Variants in ADK observed in about 807,000 individuals in gnomAD.
The protein encoded by ADK is N6,N6-dimethyladenosine kinase.
In ADK, 24 loss-of-function variants were observed where a neutral mutation model predicts 44.7. The observed-to-expected ratio is 0.54, with a 90% CI of 0.39 to 0.76. ADK has a LOEUF of 0.76. ADK is among the 30% of genes least tolerant of loss of function. ADK has a pLI of 0.00. For missense variants in ADK, 321 were observed against 425.1 expected (o/e 0.76, Z 2.15); for synonymous variants, 128 against 142.6 (o/e 0.90, Z 0.73).
intron 3 of ADK, among the ~76,000 whole-genome samples, chr10:74,250,830 G>A (rs1264219216): frequency 1.3e-5 from 2 of 152,140 alleles, no homozygotes; most frequent in African/African-American, 4.8e-5. Context: ...ACCCATGCTG[G>A]AGTGCAGTGA....
intron 3 of ADK, among the ~76,000 whole-genome samples, chr10:74,247,223 A>AT (rs1564616102): frequency 3.8e-5 from 3 of 78,250 alleles, no homozygotes; most frequent in Admixed American, 2.9e-4. Context: ...TTTTTTTTTA[A>AT]GTTTTTTTTT....
intron 5 of ADK, 69 bp from the exon 6 acceptor site, chr10:74,398,402 G>A: frequency 1.0e-6 from 1 of 989,594 alleles, no homozygotes; most frequent in Non-Finnish European, 1.5e-6. Context: ...AAAAATATTG[G>A]TAATTATCTA....
chr10:74,212,857 G>C (rs1843870228), intron 2 of ADK, among the ~76,000 whole-genome samples: 1 of 149,986 alleles, frequency 6.7e-6, no homozygotes, highest in Admixed American at 6.7e-5. Flanking sequence ...TACTTTTCGT[G>C]TTATCAAGGT....
intron 7 of ADK, among the ~76,000 whole-genome samples, chr10:74,548,462 T>G (rs2133766502): frequency 6.6e-6 from 1 of 152,306 alleles, no homozygotes; most frequent in Admixed American, 6.5e-5. Flanking sequence ...GATGCCCATT[T>G]AAATTTGAAT....
intron 2 of ADK, among the ~76,000 whole-genome samples, chr10:74,209,235 A>G (rs529403290): frequency 7.2e-5 from 11 of 152,260 alleles, no homozygotes; most frequent in Middle Eastern, 3.4e-3. Flanking sequence ...CTGCCTTTAC[A>G]TTCCTTCTGT....
chr10:74,536,891 T>G (rs1156832465), intron 7 of ADK, among the ~76,000 whole-genome samples: 1 of 152,238 alleles, frequency 6.6e-6, no homozygotes, highest in African/African-American at 2.4e-5. Context: ...GTTTTTTGCT[T>G]CATTTTGTTG....
chr10:74,628,319 C>T (rs551736424), intron 9 of ADK, among the ~76,000 whole-genome samples: 4 of 152,002 alleles, frequency 2.6e-5, no homozygotes, highest in African/African-American at 4.8e-5. Flanking sequence ...ATGCCAGTCA[C>T]GATTCTTGGA....
intron 1 of ADK, among the ~76,000 whole-genome samples, chr10:74,160,947 C>A (rs187818605): frequency 6.6e-6 from 1 of 152,018 alleles, no homozygotes; most frequent in South Asian, 2.1e-4. Context: ...CCAAAAAACC[C>A]GACAACCTCA....
intron 6 of ADK, among the ~76,000 whole-genome samples, chr10:74,451,366 T>A (rs571679843): frequency 1.3e-5 from 2 of 152,206 alleles, no homozygotes; most frequent in East Asian, 3.9e-4. Flanking sequence ...GTGTATTTAC[T>A]TTTCCACTTT....
intron 3 of ADK, among the ~76,000 whole-genome samples, chr10:74,253,974 C>A (rs1165669563): frequency 1.3e-5 from 2 of 151,946 alleles, no homozygotes; most frequent in Non-Finnish European, 2.9e-5. Context: ...ACCATGTTGG[C>A]CGGGCTGGTC....
At chr10:74,214,293 C>CT (rs1354808897) in intron 2 of ADK, among the ~76,000 whole-genome samples, 3 of 151,854 alleles carry the variant, frequency 2.0e-5, no homozygotes, top group Admixed American at 6.6e-5. Context: ...TTTTAATCAA[C>CT]TTTTTTTTAA....
chr10:74,653,886 T>A (rs1223864303), intron 9 of ADK, among the ~76,000 whole-genome samples: 1 of 152,218 alleles, frequency 6.6e-6, no homozygotes, highest in Admixed American at 6.5e-5. Context: ...TATTGTACAG[T>A]ATGCACTGTT....
intron 9 of ADK, among the ~76,000 whole-genome samples, chr10:74,665,422 G>A (rs1213052735): frequency 6.6e-6 from 1 of 152,030 alleles, no homozygotes; most frequent in Non-Finnish European, 1.5e-5. Context: ...AGTGGCAGGG[G>A]TAGTGACTGA....
At chr10:74,479,030 A>G (rs142323576) in intron 6 of ADK, among the ~76,000 whole-genome samples, 1,765 of 151,970 alleles carry the variant, frequency 0.012, 46 homozygotes, top group African/African-American at 0.038. Context: ...ACAGGGTCTT[A>G]CTCTGTCTCC....
At chr10:74,242,847 G>A (rs1168743264) in intron 3 of ADK, among the ~76,000 whole-genome samples, 1 of 152,120 alleles carries the variant, frequency 6.6e-6, no homozygotes, top group Non-Finnish European at 1.5e-5. Flanking sequence ...CTTGACTTCG[G>A]GGAAGAGACT....
At chr10:74,186,698 C>G (rs950041352) in intron 1 of ADK, among the ~76,000 whole-genome samples, 18 of 152,202 alleles carry the variant, frequency 1.2e-4, no homozygotes, top group Non-Finnish European at 2.4e-4. Flanking sequence ...TGTTCTAGAA[C>G]TTCACATAAA....
chr10:74,546,456 C>A lies in ADK; in HGVS notation c.726+21030C>A, dbSNP rs1849821377. On this transcript the variant is annotated intron_variant, in intron 7 of 10. Transcript: ENST00000539909. ...TTAACTCAGCTTCACATTTTCATTTCTTTTTATTTTATTTTAAACAATGAG... is the reference window on the plus strand; with the variant it reads ...TTAACTCAGCTTCACATTTTCATTTATTTTTATTTTATTTTAAACAATGAG... 2.0e-5 allele frequency among the ~76,000 whole-genome samples: 3 copies of A among 152,050 alleles called. No individual in the cohort carries two copies. The South Asian group carries it at 6.2e-4, about 32-fold the overall frequency.
chr10:74,204,485 G>A (rs1843517033), intron 2 of ADK, among the ~76,000 whole-genome samples: 1 of 151,878 alleles, frequency 6.6e-6, no homozygotes. Context: ...AAGTATATTT[G>A]GCTAAACTCA....
At chr10:74,651,911 C>A (rs1322300121) in intron 9 of ADK, among the ~76,000 whole-genome samples, 2 of 152,240 alleles carry the variant, frequency 1.3e-5, no homozygotes, top group Admixed American at 1.3e-4. Context: ...AGAACATATA[C>A]TGTATGATTA....
Sources: allele counts gnomAD v4.1 joint callset (sites outside exome capture counted in the v4.1 genomes callset), GRCh38; gene constraint gnomAD v4.1.1; transcripts MANE v1.5; gene names NCBI Gene and HGNC (gene_info 2026-07-23, HGNC 2026-07-21).